ANKRD45: variants seen among roughly 807,000 people sequenced by gnomAD.
ANKRD45 encodes ankyrin repeat domain-containing protein 45.
In ANKRD45, 21 loss-of-function variants were observed where a neutral mutation model predicts 28.1. That is an observed-to-expected ratio of 0.75 (90% CI 0.53 to 1.08). The LOEUF is 1.08. Ranked by LOEUF, ANKRD45 falls within the 50% of genes least tolerant of loss-of-function variation. The probability of loss-of-function intolerance (pLI) is 0.00; values close to 1 mark genes in which losing one functional copy is unlikely to be tolerated. For missense variants in ANKRD45, 261 were observed against 308.7 expected (o/e 0.85, Z 1.16); for synonymous variants, 86 against 103.9 (o/e 0.83, Z 1.05).
upstream of ANKRD45, among the ~76,000 whole-genome samples, chr1:173,670,501 C>A (rs2102406975): frequency 6.6e-6 from 1 of 152,320 alleles, no homozygotes; most frequent in African/African-American, 2.4e-5. Context: ...CATTTCTTTA[C>A]TGTTTCTACC....
Position 173,624,836 on chromosome 1 carries a change from T to TTGTCTC in ANKRD45, c.675_680dup (p.Arg226_Gln227dup). ...TAGGAGTCACAATATCTTCCAGTTGTTGTCTCTGCTCAAAAAGCTCATTAA... is the reference window on the plus strand; with the variant it reads ...TAGGAGTCACAATATCTTCCAGTTGTTGTCTCTGTCTCTGCTCAAAAAGCTCATTAA... On this transcript the variant is annotated inframe_insertion, in exon 5 of 6. Transcript: ENST00000333279. The TTGTCTC allele has an allele frequency of 6.2e-7, 1 of 1,613,884 alleles. No individual in the cohort carries two copies.
chr1:173,647,052 A>G (rs1367239628), intron 2 of ANKRD45, 39 bp from the exon 3 acceptor site: 1 of 1,586,478 alleles, frequency 6.3e-7, no homozygotes, highest in Admixed American at 1.7e-5. Context: ...CAAACAGACT[A>G]CATTGTTTTA....
At chr1:173,697,038 A>G in the ANKRD45 span, among the ~76,000 whole-genome samples, 37,278 of 152,144 alleles carry the variant, frequency 0.25, 5,031 homozygotes, top group Middle Eastern at 0.37. Context: ...TTCAGTAGCC[A>G]ATTCGATCAA....
chr1:173,636,518 A>G (rs1339653838), intron 3 of ANKRD45, among the ~76,000 whole-genome samples: 1 of 152,208 alleles, frequency 6.6e-6, no homozygotes, highest in Admixed American at 6.5e-5. Context: ...AGGTTCTTTC[A>G]TAAACGAATA....
intron 1 of ANKRD45, among the ~76,000 whole-genome samples, chr1:173,664,444 T>C (rs1669920981): frequency 6.6e-6 from 1 of 152,196 alleles, no homozygotes; most frequent in Non-Finnish European, 1.5e-5. Flanking sequence ...CCATGAGACC[T>C]TGAAGATACT....
chr1:173,610,331 G>T, intron 5 of ANKRD45, 116 bp from the exon 6 acceptor site: 1 of 937,004 alleles, frequency 1.1e-6, no homozygotes, highest in Non-Finnish European at 1.7e-6. Context: ...GGCTGAACCA[G>T]CTACTAATTC....
intron 1 of ANKRD45, among the ~76,000 whole-genome samples, chr1:173,660,097 C>A (rs1393008179): frequency 1.3e-5 from 2 of 151,338 alleles, no homozygotes; most frequent in Middle Eastern, 3.4e-3. Context: ...TTTTTTTTCA[C>A]AACAGACAGG....
chr1:173,658,722 A>G (rs971980622), intron 2 of ANKRD45: 4 of 157,818 alleles, frequency 2.5e-5, no homozygotes, highest in African/African-American at 9.6e-5. Flanking sequence ...CATTTACTAT[A>G]TATCAATTTA....
intron 1 of ANKRD45, among the ~76,000 whole-genome samples, chr1:173,668,489 C>CGTGA (rs1670116872): frequency 6.6e-6 from 1 of 152,164 alleles, no homozygotes; most frequent in Non-Finnish European, 1.5e-5. Context: ...GGAACATCAC[C>CGTGA]CCCCAGAGCC....
At chr1:173,627,941 C>T (rs951673598) in intron 3 of ANKRD45, among the ~76,000 whole-genome samples, 1 of 151,640 alleles carries the variant, frequency 6.6e-6, no homozygotes, top group South Asian at 2.1e-4. Context: ...AGCTCAGCCA[C>T]AGTAGAACAC....
intron 3 of ANKRD45, chr1:173,637,273 C>T (rs1259306711): frequency 1.3e-5 from 5 of 396,590 alleles, no homozygotes; most frequent in Non-Finnish European, 2.3e-5. Flanking sequence ...AATAGAGGTT[C>T]CTCTTCAAAG....
chr1:173,655,809 G>A (rs1669477583), intron 2 of ANKRD45, among the ~76,000 whole-genome samples: 1 of 152,222 alleles, frequency 6.6e-6, no homozygotes, highest in Admixed American at 6.5e-5. Context: ...CCTCAGCAAT[G>A]GCAGATGCCC....
At chr1:173,666,544 C>T (rs542417810) in intron 1 of ANKRD45, among the ~76,000 whole-genome samples, 2 of 152,032 alleles carry the variant, frequency 1.3e-5, no homozygotes, top group Non-Finnish European at 2.9e-5. Context: ...ATACCTAATA[C>T]GATGTAAATG....
chr1:173,694,803 G>A, the ANKRD45 span, among the ~76,000 whole-genome samples: 5 of 152,036 alleles, frequency 3.3e-5, no homozygotes, highest in African/African-American at 7.2e-5. Context: ...TTACAAGTGC[G>A]AACCTGCAGT....
chr1:173,669,338 T>C (rs1471868118), intron 1 of ANKRD45: 4 of 426,792 alleles, frequency 9.4e-6, no homozygotes, highest in Non-Finnish European at 1.8e-5. Flanking sequence ...CGACGCAGCC[T>C]GAAGTTGTGA....
chr1:173,620,843 C>T (rs1571694356), intron 5 of ANKRD45, among the ~76,000 whole-genome samples: 1 of 151,506 alleles, frequency 6.6e-6, no homozygotes, highest in Non-Finnish European at 1.5e-5. Context: ...ACAAAAAAAC[C>T]CTTCAAAAAA....
intron 3 of ANKRD45, among the ~76,000 whole-genome samples, chr1:173,636,099 G>A (rs1337435710): frequency 6.6e-6 from 1 of 152,090 alleles, no homozygotes; most frequent in Non-Finnish European, 1.5e-5. Flanking sequence ...AAAAAAAGTA[G>A]TGTGCTACCA....
At chr1:173,619,400 T>G (rs1300793301) in intron 5 of ANKRD45, among the ~76,000 whole-genome samples, 3 of 151,990 alleles carry the variant, frequency 2.0e-5, no homozygotes, top group African/African-American at 7.3e-5. Context: ...ACCCATCTCA[T>G]GTGCAAAGAC....
the ANKRD45 span, among the ~76,000 whole-genome samples, chr1:173,676,996 T>A: frequency 5.9e-5 from 9 of 151,906 alleles, no homozygotes; most frequent in Non-Finnish European, 2.9e-5. Context: ...AATATGTCAT[T>A]TTTGGACTTT....
Sources: allele counts gnomAD v4.1 joint callset (sites outside exome capture counted in the v4.1 genomes callset), GRCh38; gene constraint gnomAD v4.1.1; transcripts MANE v1.5; gene names NCBI Gene and HGNC (gene_info 2026-07-23, HGNC 2026-07-21).